The following ZFAND3 variants were observed in gnomAD, a reference collection of about 807,000 sequenced individuals.
ZFAND3 encodes the protein AN1-type zinc finger protein 3.
ZFAND3 carries 10 observed loss-of-function variants against 29.6 expected under a neutral mutation model. That is an observed-to-expected ratio of 0.34 (90% confidence interval 0.21 to 0.57). The LOEUF is 0.57. Among genes scored for constraint, ZFAND3 ranks in the 20% least tolerant of loss-of-function variants. The pLI, the probability that ZFAND3 is intolerant of heterozygous loss-of-function variation, is 0.86. For synonymous variants in ZFAND3, 128 were observed against 112.6 expected (o/e 1.14, Z -0.87); for missense variants, 230 against 304.5 (o/e 0.76, Z 1.82).
chr6:38,005,523 C>G (rs1206114579), intron 2 of ZFAND3, among the ~76,000 whole-genome samples: 2 of 152,148 alleles, frequency 1.3e-5, no homozygotes, highest in African/African-American at 4.8e-5. Context: ...AGAAGGAGCT[C>G]TTAAGTAGGA....
chr6:38,028,389 T>C (rs1410366411), intron 2 of ZFAND3, among the ~76,000 whole-genome samples: 1 of 152,198 alleles, frequency 6.6e-6, no homozygotes, highest in Non-Finnish European at 1.5e-5. Context: ...TTTTCTGTGT[T>C]GTATTACAGT....
intron 3 of ZFAND3, among the ~76,000 whole-genome samples, chr6:38,072,445 T>A (rs1200254467): frequency 6.6e-6 from 1 of 152,162 alleles, no homozygotes; most frequent in Non-Finnish European, 1.5e-5. Context: ...CTGCCCCCAA[T>A]ATGGATTTCT....
chr6:38,090,677 T>C (rs1357865901), intron 4 of ZFAND3, among the ~76,000 whole-genome samples: 1 of 152,246 alleles, frequency 6.6e-6, no homozygotes, highest in African/African-American at 2.4e-5. Flanking sequence ...GGAAATAATC[T>C]ACTAATTGCT....
chr6:37,955,560 TG>T (rs1762073449), intron 2 of ZFAND3, among the ~76,000 whole-genome samples: 1 of 152,156 alleles, frequency 6.6e-6, no homozygotes, highest in Admixed American at 6.5e-5. Flanking sequence ...AAGAGAACGG[TG>T]GGTACAATTT....
In ZFAND3 at chr6:37,819,771, A is replaced by T. The variant is rs1023397772; in HGVS notation, c.-175A>T. 56 of 266,476 alleles carry T rather than the reference A, an allele frequency of 2.1e-4. No individual in the cohort carries two copies. Among genetic ancestry groups the T allele is most frequent in the African/African-American group, 1.1e-3 (49 of 43,332 alleles). The allele number at this position is 266,476 out of a possible 1,614,324, so 16.5% of individuals were successfully genotyped here. A position where few individuals can be genotyped will look rare whatever the true frequency, so the allele number is the denominator to read the frequency against. ...GAGTGGTGCGGCCCGCCTCCAGCTG[A>T]CCGGCCTGGAATCCCGGCTCCGAGC... On this transcript the variant is annotated 5_prime_UTR_variant, in exon 1 of 6. Transcript: ENST00000287218.
intron 1 of ZFAND3, among the ~76,000 whole-genome samples, chr6:37,923,131 T>C (rs1761415791): frequency 6.6e-6 from 1 of 152,226 alleles, no homozygotes; most frequent in South Asian, 2.1e-4. Context: ...TCTTTATTGA[T>C]TGATTGACAG....
intron 2 of ZFAND3, among the ~76,000 whole-genome samples, chr6:38,059,754 G>A (rs1327430193): frequency 6.6e-6 from 1 of 152,032 alleles, no homozygotes; most frequent in African/African-American, 2.4e-5. Context: ...GTACACGTCT[G>A]TAATCCCAGC....
intron 5 of ZFAND3, among the ~76,000 whole-genome samples, chr6:38,127,720 A>G (rs1192877915): frequency 6.6e-6 from 1 of 152,004 alleles, no homozygotes. Flanking sequence ...AATAAATGAG[A>G]AAACCAAGAT....
intron 1 of ZFAND3, among the ~76,000 whole-genome samples, chr6:37,852,566 T>G (rs75083804): frequency 6.6e-6 from 1 of 152,264 alleles, no homozygotes; most frequent in African/African-American, 2.4e-5. Context: ...GCCTTCTTAT[T>G]TCTTCTCTTT....
At chr6:38,076,212 A>G (rs1764550649) in intron 3 of ZFAND3, among the ~76,000 whole-genome samples, 1 of 152,154 alleles carries the variant, frequency 6.6e-6, no homozygotes, top group Admixed American at 6.5e-5. Flanking sequence ...TTTTTTAGAA[A>G]TAAAGTTTTA....
At chr6:37,881,145 T>TA (rs762402103) in intron 1 of ZFAND3, among the ~76,000 whole-genome samples, 3 of 152,108 alleles carry the variant, frequency 2.0e-5, no homozygotes, top group Non-Finnish European at 4.4e-5. Flanking sequence ...AATCTATACT[T>TA]ACTGCAGCCT....
intron 3 of ZFAND3, among the ~76,000 whole-genome samples, chr6:38,079,081 A>T (rs1764608064): frequency 6.6e-6 from 1 of 152,154 alleles, no homozygotes; most frequent in Non-Finnish European, 1.5e-5. Context: ...TTGATTTGGA[A>T]CTACCTGTAA....
intron 4 of ZFAND3, among the ~76,000 whole-genome samples, chr6:38,106,314 G>A (rs568250923): frequency 1.3e-5 from 2 of 152,072 alleles, no homozygotes; most frequent in African/African-American, 4.8e-5. Context: ...CACCACGCCC[G>A]GTTAACTTTG....
chr6:38,090,744 T>G (rs542735175), intron 4 of ZFAND3, among the ~76,000 whole-genome samples: 2 of 152,214 alleles, frequency 1.3e-5, no homozygotes, highest in African/African-American at 4.8e-5. Context: ...TTCTATTGTT[T>G]ATGTTGAAGA....
intron 1 of ZFAND3, among the ~76,000 whole-genome samples, chr6:37,838,885 A>G (rs538553325): frequency 6.6e-6 from 1 of 152,312 alleles, no homozygotes; most frequent in Admixed American, 6.5e-5. Context: ...TTTTGAGTAA[A>G]CTACCACCCT....
At chr6:37,880,416 A>G (rs532981941) in intron 1 of ZFAND3, among the ~76,000 whole-genome samples, 19 of 152,240 alleles carry the variant, frequency 1.2e-4, no homozygotes, top group Admixed American at 4.6e-4. Context: ...CAGTCAAACA[A>G]TGGAATAACT....
At chr6:38,060,261 T>C (rs1764208847) in intron 2 of ZFAND3, among the ~76,000 whole-genome samples, 1 of 152,184 alleles carries the variant, frequency 6.6e-6, no homozygotes, top group African/African-American at 2.4e-5. Flanking sequence ...GAGAAGCCTC[T>C]TTTACTATTT....
At chr6:38,152,162 G>T in intron 5 of ZFAND3, 73 bp from the exon 6 acceptor site, 1 of 1,385,376 alleles carries the variant, frequency 7.2e-7, no homozygotes, top group Non-Finnish European at 9.6e-7. Flanking sequence ...TCTGGACAAA[G>T]GCAATTGTGA....
At chr6:38,121,995 A>T (rs1233708950) in intron 5 of ZFAND3, among the ~76,000 whole-genome samples, 1 of 152,210 alleles carries the variant, frequency 6.6e-6, no homozygotes, top group African/African-American at 2.4e-5. Flanking sequence ...TACTAACTCT[A>T]GCACTCCCTC....
Sources: gnomAD v4.1 joint callset for allele counts (sites outside exome capture counted in the v4.1 genomes callset) on GRCh38, gnomAD v4.1.1 for gene constraint, MANE v1.5 for transcripts, NCBI Gene and HGNC (gene_info 2026-07-23, HGNC 2026-07-21) for gene names.